TENM3: variants seen among roughly 807,000 people sequenced by gnomAD.
The protein encoded by TENM3 is teneurin-3.
Under a neutral mutation model 255.1 loss-of-function variants are expected in TENM3, and 63 were observed. The ratio of observed to expected loss-of-function variants is 0.25; its 90% CI spans 0.20 to 0.30. The LOEUF is 0.30. Ranked by LOEUF, TENM3 falls within the 10% of genes least tolerant of loss-of-function variation. The pLI, the probability that TENM3 is intolerant of heterozygous loss-of-function variation, is 1.00. For missense variants in TENM3, 2,929 were observed against 3,461.1 expected (o/e 0.85, Z 3.86); for synonymous variants, 1,306 against 1,322.3 (o/e 0.99, Z 0.27).
At chr4:181,528,257 C>T in the TENM3 span, among the ~76,000 whole-genome samples, 1 of 152,124 alleles carries the variant, frequency 6.6e-6, no homozygotes, top group Non-Finnish European at 1.5e-5. Context: ...CTAGTTTCTA[C>T]ACAGGACTCT....
intron 1 of TENM3, among the ~76,000 whole-genome samples, chr4:182,303,274 T>C (rs147569748): frequency 3.9e-5 from 6 of 152,356 alleles, no homozygotes; most frequent in African/African-American, 1.4e-4. Context: ...TGCTCTAATG[T>C]TGGAGCATTG....
chr4:182,733,363 A>G (rs553310528), intron 16 of TENM3, among the ~76,000 whole-genome samples: 88 of 152,218 alleles, frequency 5.8e-4, no homozygotes, highest in Non-Finnish European at 9.4e-4. Context: ...AAGGTGTTTA[A>G]GCAGAGCAAT....
chr4:181,473,835 G>GTGTA, the TENM3 span, among the ~76,000 whole-genome samples: 92 of 142,464 alleles, frequency 6.5e-4, no homozygotes, highest in African/African-American at 2.3e-3. Flanking sequence ...TATGTATACT[G>GTGTA]TATATATATA....
At chr4:182,039,305 CTTT>C in the TENM3 span, among the ~76,000 whole-genome samples, 1 of 152,274 alleles carries the variant, frequency 6.6e-6, no homozygotes. Context: ...GTTAAATCAC[CTTT>C]CCCTGCTCAG....
chr4:182,179,213 T>C (rs917738782), intron 1 of TENM3, among the ~76,000 whole-genome samples: 3 of 152,208 alleles, frequency 2.0e-5, no homozygotes, highest in Non-Finnish European at 4.4e-5. Context: ...TGTCTGGGAT[T>C]GTCTCCAGCC....
Position 182,191,833 on chromosome 4 carries a change from A to G in TENM3, c.-76+47079A>G. On this transcript the variant is annotated intron_variant, in intron 1 of 2. Transcript: ENST00000512480. Reference sequence around the variant, plus strand: ...CTGTGTTGTCTTCAACTAAATCGTAACTGCATTTTAGATCACAGATTATCG... The same window carrying G: ...CTGTGTTGTCTTCAACTAAATCGTAGCTGCATTTTAGATCACAGATTATCG... 1.3e-5 allele frequency among the ~76,000 whole-genome samples: 2 copies of G among 152,188 alleles called. 1 individual carries two copies. The highest frequency in any genetic ancestry group is 3.9e-4 in the East Asian group (2 of 5,192).
the TENM3 span, among the ~76,000 whole-genome samples, chr4:181,559,184 G>A: frequency 1.3e-5 from 2 of 151,986 alleles, no homozygotes; most frequent in Non-Finnish European, 2.9e-5. Flanking sequence ...CACTAATGAC[G>A]AAGGGAAAAA....
At position 182,779,906 on chromosome 4, in the gene TENM3, G is replaced by GT. The variant is rs749438088; in HGVS notation, c.5304+4760dup. Among the ~76,000 whole-genome samples, 8 of 152,100 alleles carry GT rather than the reference G, an allele frequency of 5.3e-5. No individual in the cohort carries two copies. The East Asian group carries it at 1.4e-3, about 26-fold the overall frequency. On this transcript the variant is annotated intron_variant, in intron 24 of 27. Transcript: ENST00000511685. The stretch of plus-strand genomic sequence containing the variant: ...CCTTCGCCCACTTTTTGATGGGGTT[G>GT]TTTTTTTCTTGTAAATTTGTTTGAG...
chr4:182,611,749 C>A (rs1749022613), intron 4 of TENM3, among the ~76,000 whole-genome samples: 1 of 152,148 alleles, frequency 6.6e-6, no homozygotes, highest in Admixed American at 6.6e-5. Flanking sequence ...TTTAGAGAAG[C>A]TATACTGTCT....
the TENM3 span, among the ~76,000 whole-genome samples, chr4:181,488,385 G>C: frequency 6.6e-6 from 1 of 152,024 alleles, no homozygotes; most frequent in African/African-American, 2.4e-5. Flanking sequence ...TCTTATCTCT[G>C]ACCCTCCTGA....
At chr4:181,910,710 C>T in the TENM3 span, among the ~76,000 whole-genome samples, 1 of 151,224 alleles carries the variant, frequency 6.6e-6, no homozygotes, top group African/African-American at 2.4e-5. Flanking sequence ...CTTCTAGGCT[C>T]AGGTAATCCA....
chr4:182,365,892 G>T (rs1196738123), intron 3 of TENM3, among the ~76,000 whole-genome samples: 3 of 152,164 alleles, frequency 2.0e-5, no homozygotes, highest in Non-Finnish European at 2.9e-5. Flanking sequence ...AATCTGTACA[G>T]CCTGTTACTG....
the TENM3 span, among the ~76,000 whole-genome samples, chr4:181,987,582 G>C: frequency 1.3e-5 from 2 of 152,096 alleles, no homozygotes; most frequent in African/African-American, 4.8e-5. Flanking sequence ...TATGCGTAGA[G>C]TGTTGTCCTT....
At chr4:182,482,193 C>T (rs1734268483) in intron 3 of TENM3, among the ~76,000 whole-genome samples, 1 of 152,120 alleles carries the variant, frequency 6.6e-6, no homozygotes, top group Non-Finnish European at 1.5e-5. Context: ...GACCTAGAAT[C>T]ACTCACTGAA....
chr4:181,922,589 A>G, the TENM3 span, among the ~76,000 whole-genome samples: 29,950 of 151,846 alleles, frequency 0.2, 3,469 homozygotes, highest in Non-Finnish European at 0.27. Context: ...TATCCCCTTT[A>G]TCATTTTTTA....
the TENM3 span, among the ~76,000 whole-genome samples, chr4:181,520,562 C>G: frequency 8.8e-3 from 1,335 of 152,174 alleles, 22 homozygotes; most frequent in African/African-American, 0.03. Flanking sequence ...AAAAAAACCT[C>G]TAGTTTTTGT....
chr4:181,651,941 A>G, the TENM3 span, among the ~76,000 whole-genome samples: 1 of 152,166 alleles, frequency 6.6e-6, no homozygotes, highest in Non-Finnish European at 1.5e-5. Flanking sequence ...CACACCAAAT[A>G]TTTTTGTAGT....
chr4:182,279,067 C>T (rs929211373), intron 1 of TENM3, among the ~76,000 whole-genome samples: 1 of 152,156 alleles, frequency 6.6e-6, no homozygotes, highest in Non-Finnish European at 1.5e-5. Context: ...AAGGATCTCT[C>T]GCAGCACTGC....
intron 1 of TENM3, among the ~76,000 whole-genome samples, chr4:182,302,797 T>C (rs1409497443): frequency 1.3e-5 from 2 of 152,330 alleles, no homozygotes; most frequent in South Asian, 2.1e-4. Flanking sequence ...TTCTTTCTCA[T>C]TTCCATGTGA....
Sources: allele counts gnomAD v4.1 joint callset (sites outside exome capture counted in the v4.1 genomes callset), GRCh38; gene constraint gnomAD v4.1.1; transcripts MANE v1.5; gene names NCBI Gene and HGNC (gene_info 2026-07-23, HGNC 2026-07-21).